The following MBOAT1 variants were observed in gnomAD, a reference collection of about 807,000 sequenced individuals.
MBOAT1 encodes membrane bound glycerophospholipid O-acyltransferase 1.
MBOAT1 carries 67 observed loss-of-function variants against 64.4 expected under a neutral mutation model. The observed-to-expected ratio is 1.04, with a 90% CI of 0.85 to 1.27. The LOEUF (loss-of-function observed/expected upper bound fraction) is 1.27. Ranked by LOEUF, MBOAT1 falls within the 50% of genes most tolerant of loss-of-function variation. The pLI is 0.00. For synonymous variants in MBOAT1, 229 were observed against 218.9 expected, an observed-to-expected ratio of 1.05 and a Z score of -0.41; for missense variants, 563 against 604.6, an observed-to-expected ratio of 0.93 and a Z score of 0.72.
chr6:20,150,082 A>C (rs1168950278), intron 3 of MBOAT1, among the ~76,000 whole-genome samples: 2 of 152,162 alleles, frequency 1.3e-5, no homozygotes, highest in African/African-American at 4.8e-5. Context: ...CAAAAGGCAG[A>C]GCTAATCCTG....
chr6:20,187,984 C>T (rs1762701895), intron 1 of MBOAT1, among the ~76,000 whole-genome samples: 1 of 150,074 alleles, frequency 6.7e-6, no homozygotes, highest in Non-Finnish European at 1.5e-5. Flanking sequence ...GACCTTGTCT[C>T]AAAAAAAAAG....
At chr6:20,196,101 C>T (rs925001378) in intron 1 of MBOAT1, among the ~76,000 whole-genome samples, 1 of 152,290 alleles carries the variant, frequency 6.6e-6, no homozygotes, top group South Asian at 2.1e-4. Context: ...CAAAGACTCC[C>T]GTGAGAATGA....
At chr6:20,123,272 G>A (rs559430746) in intron 8 of MBOAT1, among the ~76,000 whole-genome samples, 1 of 152,304 alleles carries the variant, frequency 6.6e-6, no homozygotes, top group South Asian at 2.1e-4. Flanking sequence ...GATGTGGGCT[G>A]AACCCTCAGA....
At chr6:20,138,323 A>G (rs920654434) in intron 4 of MBOAT1, among the ~76,000 whole-genome samples, 20 of 152,242 alleles carry the variant, frequency 1.3e-4, no homozygotes, top group African/African-American at 4.8e-4. Context: ...CCTAACAACA[A>G]TGTCCTTTCT....
chr6:20,129,840 C>T (rs1471831856), intron 5 of MBOAT1, among the ~76,000 whole-genome samples: 1 of 152,192 alleles, frequency 6.6e-6, no homozygotes, highest in Non-Finnish European at 1.5e-5. Flanking sequence ...AACTAACTCA[C>T]CCTGCTTTGC....
chr6:20,202,828 A>G (rs943958719), intron 1 of MBOAT1, among the ~76,000 whole-genome samples: 1 of 152,226 alleles, frequency 6.6e-6, no homozygotes, highest in South Asian at 2.1e-4. Flanking sequence ...TGAGACTGCA[A>G]TAAGTTATCC....
At chr6:20,156,893 G>A (rs1761705380) in intron 1 of MBOAT1, among the ~76,000 whole-genome samples, 1 of 152,188 alleles carries the variant, frequency 6.6e-6, no homozygotes, top group Non-Finnish European at 1.5e-5. Context: ...AAACTAAAGA[G>A]CTTCTGCACA....
intron 12 of MBOAT1, among the ~76,000 whole-genome samples, chr6:20,107,035 G>C (rs1260680304): frequency 1.3e-5 from 2 of 152,132 alleles, no homozygotes; most frequent in Middle Eastern, 3.2e-3. Flanking sequence ...TCCCCAAGCA[G>C]TAGTTTGCAT....
intron 1 of MBOAT1, among the ~76,000 whole-genome samples, chr6:20,200,617 A>G (rs1763094936): frequency 6.6e-6 from 1 of 151,970 alleles, no homozygotes; most frequent in Non-Finnish European, 1.5e-5. Flanking sequence ...CTAGAAACAA[A>G]CCCCAAGTCT....
chr6:20,144,503 C>T (rs540779299), intron 3 of MBOAT1, among the ~76,000 whole-genome samples, 188 bp from the exon 4 acceptor site: 1 of 152,190 alleles, frequency 6.6e-6, no homozygotes, highest in African/African-American at 2.4e-5. Flanking sequence ...CTCACCTGGA[C>T]CACTACATTG....
At chr6:20,169,531 T>G (rs1762130073) in intron 1 of MBOAT1, among the ~76,000 whole-genome samples, 1 of 151,848 alleles carries the variant, frequency 6.6e-6, no homozygotes. Context: ...TGTAATCACC[T>G]TCTCCAAAAT....
At chr6:20,161,106 G>A (rs1488412525) in intron 1 of MBOAT1, among the ~76,000 whole-genome samples, 2 of 152,072 alleles carry the variant, frequency 1.3e-5, no homozygotes, top group Admixed American at 6.5e-5. Context: ...ACTCCTCATC[G>A]CTTGCATTAC....
chr6:20,185,213 G>A (rs61259249), intron 1 of MBOAT1, among the ~76,000 whole-genome samples: 4,633 of 152,110 alleles, frequency 0.03, 227 homozygotes, highest in African/African-American at 0.1. Flanking sequence ...TCACACCACT[G>A]CACTCCAACC....
chr6:20,120,904 A>C (rs76234686), intron 8 of MBOAT1, among the ~76,000 whole-genome samples: 1 of 151,964 alleles, frequency 6.6e-6, no homozygotes, highest in African/African-American at 2.4e-5. Flanking sequence ...ACAGGCTCTA[A>C]GTTCACCAGT....
chr6:20,168,620 A>G (rs1374588275), intron 1 of MBOAT1, among the ~76,000 whole-genome samples: 2 of 108,766 alleles, frequency 1.8e-5, no homozygotes, highest in African/African-American at 6.8e-5. Flanking sequence ...AGAGAAGAGA[A>G]GAGAAGAGAA....
At chr6:20,112,186 G>A (rs548673119) in intron 11 of MBOAT1, among the ~76,000 whole-genome samples, 7 of 151,936 alleles carry the variant, frequency 4.6e-5, no homozygotes, top group African/African-American at 1.7e-4. Context: ...CCTGTATTTG[G>A]CAATGAAAGC....
intron 1 of MBOAT1, among the ~76,000 whole-genome samples, chr6:20,187,829 A>G (rs1216501964): frequency 1.3e-5 from 2 of 152,108 alleles, no homozygotes; most frequent in Non-Finnish European, 2.9e-5. Flanking sequence ...CCATCTCTAC[A>G]AAGAATACAA....
chr6:20,173,527 C>A (rs1279682638), intron 1 of MBOAT1, among the ~76,000 whole-genome samples: 1 of 152,168 alleles, frequency 6.6e-6, no homozygotes, highest in Non-Finnish European at 1.5e-5. Context: ...AGTCAAAATA[C>A]ATTTGGCTGT....
chr6:20,202,559 A>G (rs1763152729), intron 1 of MBOAT1, among the ~76,000 whole-genome samples: 1 of 152,122 alleles, frequency 6.6e-6, no homozygotes, highest in African/African-American at 2.4e-5. Context: ...AAAATTAAAA[A>G]CAGAGCTCCA....
Sources: allele counts gnomAD v4.1 joint callset (sites outside exome capture counted in the v4.1 genomes callset), GRCh38; gene constraint gnomAD v4.1.1; transcripts MANE v1.5; gene names NCBI Gene and HGNC (gene_info 2026-07-23, HGNC 2026-07-21).